KCNIP4: variants seen among roughly 807,000 people sequenced by gnomAD.
KCNIP4 encodes the protein Kv channel-interacting protein 4.
Under a neutral mutation model 34.0 loss-of-function variants are expected in KCNIP4, and 12 were observed. The ratio of observed to expected loss-of-function variants is 0.35; its 90% CI spans 0.23 to 0.57. The LOEUF is 0.57. KCNIP4 is among the 20% of genes least tolerant of loss of function. The pLI, the probability that KCNIP4 is intolerant of heterozygous loss-of-function variation, is 0.83. For synonymous variants in KCNIP4, 124 were observed against 102.2 expected, an observed-to-expected ratio of 1.21 and a Z score of -1.29; for missense variants, 238 against 311.7, an observed-to-expected ratio of 0.76 and a Z score of 1.78.
In KCNIP4 at chr4:21,691,691, C is replaced by CTTTTTTTT. The variant is rs36004947; in HGVS notation, c.61+256872_61+256879dup. Reference sequence around the variant, plus strand: ...TTTAGCAAGAGGGGCAAACGCAGCTCTTTTTTTTTTTTTTTTTTTTTTTCT... The same window carrying CTTTTTTTT: ...TTTAGCAAGAGGGGCAAACGCAGCTCTTTTTTTTTTTTTTTTTTTTTTTTTTTTTTTCT... On this transcript the variant is annotated intron_variant, in intron 1 of 8. Transcript: ENST00000382152. Among the ~76,000 whole-genome samples the CTTTTTTTT allele has an allele frequency of 2.0e-4, 21 of 103,152 alleles. 1 individual carries two copies. The highest frequency in any genetic ancestry group is 2.8e-4 in the Non-Finnish European group (15 of 53,640). 67.7% of individuals were successfully genotyped at this position (103,152 alleles called of 152,430 possible).
Position 21,128,246 on chromosome 4 carries a change from C to G in KCNIP4, c.62-245537G>C, listed in dbSNP as rs146461903. On this transcript the variant is annotated intron_variant, in intron 1 of 8. Coordinates refer to ENST00000382152, the MANE Select transcript of KCNIP4 (RefSeq NM_025221.6). ...AAGTCAAGGGAAGAAAGTCTGTTCT[C>G]AGAGATGCTCTCATGGAATTAAGAG... Among the ~76,000 whole-genome samples, 19 of 152,296 alleles carry G rather than the reference C, an allele frequency of 1.2e-4. No individual in the cohort carries two copies. In the East Asian group the frequency reaches 3.7e-3, roughly 29 times the overall value.
At chr4:21,860,600 C>A (rs918135290) in intron 1 of KCNIP4, among the ~76,000 whole-genome samples, 10 of 151,866 alleles carry the variant, frequency 6.6e-5, no homozygotes, top group African/African-American at 1.7e-4. Flanking sequence ...AATTTGAATT[C>A]TGAGATCTCT....
chr4:21,216,691 T>C (rs1757602959), intron 1 of KCNIP4, among the ~76,000 whole-genome samples: 4 of 152,166 alleles, frequency 2.6e-5, no homozygotes, highest in Admixed American at 2.6e-4. Flanking sequence ...AACTAGTATA[T>C]GGTTTCCCAG....
chr4:21,445,820 A>T (rs186925784), intron 1 of KCNIP4, among the ~76,000 whole-genome samples: 156 of 152,336 alleles, frequency 1.0e-3, no homozygotes, highest in African/African-American at 3.6e-3. Context: ...AGAAACTACC[A>T]TCAGAGTGAA....
intron 8 of KCNIP4, 107 bp from the exon 9 acceptor site, chr4:20,730,236 A>C: frequency 3.0e-6 from 4 of 1,345,124 alleles, no homozygotes; most frequent in Non-Finnish European, 3.0e-6. Flanking sequence ...TCAACCACCT[A>C]TGCCAAAAGC....
chr4:21,680,027 G>A (rs1750217547), intron 1 of KCNIP4, among the ~76,000 whole-genome samples: 1 of 152,196 alleles, frequency 6.6e-6, no homozygotes, highest in Non-Finnish European at 1.5e-5. Flanking sequence ...AATGAAGTTT[G>A]TCATATTGAT....
chr4:21,241,250 G>A (rs902487482), intron 1 of KCNIP4, among the ~76,000 whole-genome samples: 4 of 152,188 alleles, frequency 2.6e-5, no homozygotes, highest in Non-Finnish European at 2.9e-5. Flanking sequence ...AAAATTAATA[G>A]TGGTCAATTG....
chr4:21,286,963 A>G (rs1169542392), intron 1 of KCNIP4, among the ~76,000 whole-genome samples: 2 of 152,178 alleles, frequency 1.3e-5, no homozygotes, highest in South Asian at 2.1e-4. Flanking sequence ...GGATTAAACA[A>G]AAGCAGGCTG....
At chr4:21,401,447 T>G (rs1723550335) in intron 1 of KCNIP4, among the ~76,000 whole-genome samples, 1 of 152,182 alleles carries the variant, frequency 6.6e-6, no homozygotes, top group South Asian at 2.1e-4. Context: ...TTTGTCTTTT[T>G]CTGGGGCAGA....
chr4:21,062,484 G>A (rs935309861), intron 1 of KCNIP4, among the ~76,000 whole-genome samples: 2 of 151,880 alleles, frequency 1.3e-5, no homozygotes, highest in African/African-American at 4.8e-5. Context: ...TATTAGTCAA[G>A]GTTCTCCAGA....
intron 1 of KCNIP4, among the ~76,000 whole-genome samples, chr4:21,272,205 G>T (rs1161756359): frequency 6.6e-6 from 1 of 152,042 alleles, no homozygotes; most frequent in Non-Finnish European, 1.5e-5. Flanking sequence ...CATAATTCAG[G>T]ATAATAGCAG....
chr4:21,446,179 CT>C (rs1727971913), intron 1 of KCNIP4, among the ~76,000 whole-genome samples: 3 of 152,112 alleles, frequency 2.0e-5, no homozygotes, highest in Admixed American at 2.0e-4. Context: ...GTTGGTGGGA[CT>C]GTAAACTAGT....
At chr4:21,434,614 G>A (rs1026988030) in intron 1 of KCNIP4, among the ~76,000 whole-genome samples, 1 of 151,928 alleles carries the variant, frequency 6.6e-6, no homozygotes, top group Non-Finnish European at 1.5e-5. Context: ...TCAGCTCAGC[G>A]GTGGCATTAG....
intron 1 of KCNIP4, among the ~76,000 whole-genome samples, chr4:20,912,519 A>C (rs1299544974): frequency 6.6e-6 from 1 of 150,452 alleles, no homozygotes; most frequent in East Asian, 1.9e-4. Flanking sequence ...AAGCAACCAA[A>C]CAAACAAATA....
intron 1 of KCNIP4, among the ~76,000 whole-genome samples, chr4:21,345,966 G>T (rs1315352942): frequency 6.7e-6 from 1 of 149,318 alleles, no homozygotes; most frequent in Non-Finnish European, 1.5e-5. Context: ...TGGGGGCCTG[G>T]GTAGAGGTCC....
At position 21,860,261 on chromosome 4, in the gene KCNIP4, G is replaced by A. The variant is rs569863274; in HGVS notation, c.61+88310C>T. On this transcript the variant is annotated intron_variant, in intron 1 of 8. Transcript: ENST00000382152. ...CAATTCTTGTGCCTCAGCCTCCCAA[G>A]TAGCTGAGATTACAGGCATGTGCCA... Among the ~76,000 whole-genome samples the A allele has an allele frequency of 1.1e-4, 17 of 152,098 alleles. 1 individual carries two copies. The South Asian group carries it at 1.9e-3, about 17-fold the overall frequency.
intron 1 of KCNIP4, among the ~76,000 whole-genome samples, chr4:21,386,138 T>C (rs1007895762): frequency 6.6e-6 from 1 of 152,194 alleles, no homozygotes; most frequent in African/African-American, 2.4e-5. Context: ...CAGAACCTTG[T>C]GGTTTGTATG....
At chr4:21,466,339 A>T (rs34962311) in intron 1 of KCNIP4, among the ~76,000 whole-genome samples, 17,966 of 152,186 alleles carry the variant, frequency 0.12, 1,244 homozygotes, top group South Asian at 0.16. Flanking sequence ...TCAACACTCA[A>T]TGCTGACCAA....
intron 1 of KCNIP4, among the ~76,000 whole-genome samples, chr4:21,173,622 G>A (rs887048695): frequency 3.9e-5 from 6 of 152,128 alleles, no homozygotes; most frequent in African/African-American, 1.4e-4. Context: ...AGGAAACTGA[G>A]GCTTGTAGAA....
Sources: allele counts gnomAD v4.1 joint callset (sites outside exome capture counted in the v4.1 genomes callset), GRCh38; gene constraint gnomAD v4.1.1; transcripts MANE v1.5; gene names NCBI Gene and HGNC (gene_info 2026-07-23, HGNC 2026-07-21).